The following SRBD1 variants were observed in gnomAD, a reference collection of about 807,000 sequenced individuals.
The protein encoded by SRBD1 is S1 RNA-binding domain-containing protein 1.
A neutral mutation model predicts 115.3 loss-of-function variants in SRBD1; 88 were observed. The observed-to-expected ratio is 0.76, with a 90% CI of 0.64 to 0.91. The LOEUF is 0.91. Among genes scored for constraint, SRBD1 ranks in the 40% least tolerant of loss-of-function variants. The probability of loss-of-function intolerance (pLI) is 0.00; values close to 1 mark genes in which losing one functional copy is unlikely to be tolerated. For missense variants in SRBD1, 1,385 were observed against 1,177.4 expected (o/e 1.18, Z -2.58); for synonymous variants, 509 against 407.7 (o/e 1.25, Z -2.99).
At chr2:45,424,437 C>T (rs1340752661) in intron 16 of SRBD1, among the ~76,000 whole-genome samples, 1 of 152,040 alleles carries the variant, frequency 6.6e-6, no homozygotes, top group Non-Finnish European at 1.5e-5. Flanking sequence ...AACGGCTCAA[C>T]CATGTACTAT....
In SRBD1 at chr2:45,504,193, A is replaced by G. The variant is rs373155955; in HGVS notation, c.1875-15862T>C. Among the ~76,000 whole-genome samples the G allele has an allele frequency of 1.5e-3, 228 of 150,840 alleles. 2 individuals are homozygous for G. Among genetic ancestry groups the G allele is most frequent in the African/African-American group, 5.3e-3 (215 of 40,572 alleles). ...TCTACTAGTCTTCACAAATTACCCT[A>G]TAAGTTACAAGCCTGTTGGCCAATC... On this transcript the variant is annotated intron_variant, in intron 14 of 20. Coordinates refer to ENST00000263736, the MANE Select transcript of SRBD1 (RefSeq NM_018079.5).
intron 14 of SRBD1, among the ~76,000 whole-genome samples, chr2:45,533,284 T>C (rs867462247): frequency 6.6e-6 from 1 of 152,026 alleles, no homozygotes; most frequent in African/African-American, 2.4e-5. Context: ...ATTCACTACA[T>C]TACCTGTTGT....
chr2:45,501,869 C>T (rs1452124401), intron 14 of SRBD1, among the ~76,000 whole-genome samples: 1 of 152,178 alleles, frequency 6.6e-6, no homozygotes, highest in Non-Finnish European at 1.5e-5. Context: ...GGGGGCAGGG[C>T]ACAGCCAAAC....
At chr2:45,407,489 G>T (rs770926966) in intron 19 of SRBD1, among the ~76,000 whole-genome samples, 1 of 152,140 alleles carries the variant, frequency 6.6e-6, no homozygotes, top group Non-Finnish European at 1.5e-5. Flanking sequence ...ACCTGTGAAT[G>T]TAAGTTTTAT....
intron 14 of SRBD1, among the ~76,000 whole-genome samples, chr2:45,533,584 T>C (rs1671677817): frequency 6.6e-6 from 1 of 152,046 alleles, no homozygotes; most frequent in Non-Finnish European, 1.5e-5. Flanking sequence ...ATTGGTGAAT[T>C]CCACTCTATT....
At chr2:45,589,062 T>C (rs537213200) in intron 4 of SRBD1, among the ~76,000 whole-genome samples, 257 of 152,306 alleles carry the variant, frequency 1.7e-3, no homozygotes, top group African/African-American at 6.1e-3. Flanking sequence ...TTTCCACTAA[T>C]AGCATCTTTG....
chr2:45,514,002 A>G (rs1419837024), intron 14 of SRBD1, among the ~76,000 whole-genome samples: 3 of 152,174 alleles, frequency 2.0e-5, no homozygotes, highest in Non-Finnish European at 4.4e-5. Flanking sequence ...CTCTTTCATC[A>G]TATTAGTTTA....
At chr2:45,524,440 T>C (rs912983824) in intron 14 of SRBD1, among the ~76,000 whole-genome samples, 6 of 152,042 alleles carry the variant, frequency 3.9e-5, no homozygotes, top group Non-Finnish European at 8.8e-5. Context: ...CTAATAAACA[T>C]GTTCAACAAG....
chr2:45,482,774 G>A (rs1181441558), intron 15 of SRBD1, among the ~76,000 whole-genome samples: 1 of 151,940 alleles, frequency 6.6e-6, no homozygotes, highest in African/African-American at 2.4e-5. Flanking sequence ...ATTGGTTCCA[G>A]GACCCCTGCA....
chr2:45,599,681 G>C lies in SRBD1; in HGVS notation c.416C>G (p.Thr139Ser). Residue 139 changes from threonine to serine, a missense_variant, in exon 4 of 21, where the codon ACC (threonine) becomes AGC (serine). By Grantham distance (58) the Thr-to-Ser change is moderately conservative (BLOSUM62 1). Coordinates refer to ENST00000263736, the MANE Select transcript of SRBD1 (RefSeq NM_018079.5). ...RTKKLKVEEE[T>S]SKASNLEGES... ...ACCCTCTAAGTTGCTGGCTTTGCTG[G>C]TTTCTTCTTCAACTTTCAGCTTTTT... 1 of 1,614,144 alleles carries C rather than the reference G, an allele frequency of 6.2e-7. No individual in the cohort carries two copies. Among genetic ancestry groups the C allele is most frequent in the Non-Finnish European group, 8.5e-7 (1 of 1,180,032 alleles).
rs923572579 is a variant in SRBD1 at position 45,593,433 on chromosome 2, T to G, written c.648+6016A>C. Reference sequence around the variant, plus strand: ...GAATTATGGGGGGCGGTTTCCCCTATGCTGGTCTCAGGATAATGAGTCTCA... The same window carrying G: ...GAATTATGGGGGGCGGTTTCCCCTAGGCTGGTCTCAGGATAATGAGTCTCA... On this transcript the variant is annotated intron_variant, in intron 4 of 20. Transcript: ENST00000263736. Among the ~76,000 whole-genome samples, 3 of 152,170 alleles carry G rather than the reference T, an allele frequency of 2.0e-5. No homozygotes were observed. In the South Asian group the frequency reaches 6.2e-4, roughly 31 times the overall value.
chr2:45,589,381 G>T (rs985978507), intron 4 of SRBD1, among the ~76,000 whole-genome samples: 1 of 152,074 alleles, frequency 6.6e-6, no homozygotes. Context: ...TTAAAGAAAA[G>T]ATCTCCCTGA....
chr2:45,439,075 C>T (rs914282551), intron 16 of SRBD1, among the ~76,000 whole-genome samples: 16 of 151,942 alleles, frequency 1.1e-4, no homozygotes, highest in South Asian at 2.1e-4. Flanking sequence ...GACAATGAAA[C>T]GGTATCTTTA....
chr2:45,390,280 G>A (rs1666961160), intron 20 of SRBD1, among the ~76,000 whole-genome samples: 1 of 151,970 alleles, frequency 6.6e-6, no homozygotes, highest in Non-Finnish European at 1.5e-5. Flanking sequence ...ATTATCTCCT[G>A]GCCAGGCACT....
chr2:45,610,639 C>T (rs1674416496), intron 1 of SRBD1, among the ~76,000 whole-genome samples: 1 of 152,226 alleles, frequency 6.6e-6, no homozygotes, highest in Admixed American at 6.5e-5. Context: ...TCATTCCTTT[C>T]CTCCGGTTAC....
At chr2:45,390,881 A>C (rs749572615) in intron 20 of SRBD1, among the ~76,000 whole-genome samples, 11 of 152,234 alleles carry the variant, frequency 7.2e-5, no homozygotes, top group Non-Finnish European at 1.3e-4. Flanking sequence ...TAAAATTGGA[A>C]TTGATTCTGT....
intron 16 of SRBD1, 74 bp downstream of exon 16, chr2:45,476,919 A>T: frequency 1.5e-6 from 2 of 1,371,654 alleles, no homozygotes; most frequent in African/African-American, 2.8e-5. Context: ...CAGACACTTA[A>T]TTACTATCCC....
intron 16 of SRBD1, among the ~76,000 whole-genome samples, chr2:45,443,945 T>C (rs1668746477): frequency 6.6e-6 from 1 of 152,162 alleles, no homozygotes; most frequent in South Asian, 2.1e-4. Flanking sequence ...CATAAATGTC[T>C]ATTACAGGGC....
At chr2:45,423,318 C>A (rs534223805) in intron 16 of SRBD1, among the ~76,000 whole-genome samples, 2 of 152,102 alleles carry the variant, frequency 1.3e-5, no homozygotes, top group African/African-American at 2.4e-5. Context: ...GTTAGATATG[C>A]AAGGCAAGGC....
Sources: allele counts gnomAD v4.1 joint callset (sites outside exome capture counted in the v4.1 genomes callset), GRCh38; gene constraint gnomAD v4.1.1; transcripts MANE v1.5; gene names NCBI Gene and HGNC (gene_info 2026-07-23, HGNC 2026-07-21).